Variants in NUP210L observed in about 807,000 individuals in gnomAD.
NUP210L encodes the protein nucleoporin 210 like, also known as nuclear pore membrane glycoprotein 210-like.
In NUP210L, 74 loss-of-function variants were observed where a neutral mutation model predicts 208.5. The observed-to-expected ratio is 0.35, with a 90% CI of 0.29 to 0.43. The LOEUF is 0.43. Ranked by LOEUF, NUP210L falls within the 20% of genes least tolerant of loss-of-function variation. The probability of loss-of-function intolerance (pLI) is 1.00; values close to 1 mark genes in which losing one functional copy is unlikely to be tolerated. For missense variants in NUP210L, 1,843 were observed against 2,289.4 expected (o/e 0.81, Z 3.98); for synonymous variants, 780 against 816.9 (o/e 0.95, Z 0.77).
At position 154,126,306 on chromosome 1, in the gene NUP210L, G is replaced by A. The variant is rs1471837574; in HGVS notation, c.1326+17C>T. ...TCAGTGTTCTTAGAATACAAACACT[G>A]TCTGTTTAATTCCTACCTGGTAAAT... On this transcript the variant is annotated intron_variant, in intron 10 of 39. Coordinates refer to ENST00000368559, the Ensembl canonical transcript of NUP210L. The A allele has an allele frequency of 2.5e-6, 4 of 1,603,824 alleles. No homozygotes were observed. The highest frequency in any genetic ancestry group is 2.7e-5 in the African/African-American group (2 of 74,504).
At chr1:154,082,937 G>T (rs919035103) in intron 16 of NUP210L, among the ~76,000 whole-genome samples, 2 of 151,892 alleles carry the variant, frequency 1.3e-5, no homozygotes, top group African/African-American at 4.8e-5. Flanking sequence ...CTTAAAGGTG[G>T]CACATCAGAA....
exon 40 of NUP210L, chr1:153,992,836 T>C: frequency 6.3e-7 from 1 of 1,599,528 alleles, no homozygotes; most frequent in African/African-American, 1.3e-5. Context: ...AAGCAGAGGT[T>C]AGTGCCTTAT....
chr1:154,111,120 T>A (rs1657021913), intron 12 of NUP210L, among the ~76,000 whole-genome samples: 1 of 150,136 alleles, frequency 6.7e-6, no homozygotes. Flanking sequence ...CGGTGGCTCA[T>A]GCCTGTAATC....
chr1:154,063,940 C>T (rs1654266544), intron 17 of NUP210L, among the ~76,000 whole-genome samples: 1 of 149,320 alleles, frequency 6.7e-6, no homozygotes, highest in Admixed American at 6.7e-5. Context: ...ATAGGGAGCA[C>T]TAAAGTACAT....
chr1:153,993,895 CAAA>C (rs560022336), intron 38 of NUP210L, among the ~76,000 whole-genome samples: 1 of 151,988 alleles, frequency 6.6e-6, no homozygotes, highest in Non-Finnish European at 1.5e-5. Context: ...GACTCCATCT[CAAA>C]AAAATTTTTT....
intron 35 of NUP210L, among the ~76,000 whole-genome samples, chr1:154,007,707 G>A (rs1263608891): frequency 6.6e-6 from 1 of 151,760 alleles, no homozygotes; most frequent in African/African-American, 2.4e-5. Context: ...TGAGTAGCTG[G>A]GACTACAGGC....
intron 27 of NUP210L, among the ~76,000 whole-genome samples, chr1:154,039,030 G>A (rs1248145501): frequency 2.0e-5 from 3 of 152,110 alleles, no homozygotes; most frequent in South Asian, 2.1e-4. Context: ...CTCAAGATAC[G>A]AGTAGTTTAT....
Position 154,058,081 on chromosome 1 carries a change from G to A in NUP210L, c.3107+8C>T, listed in dbSNP as rs977540334. The A allele has an allele frequency of 6.2e-7, 1 of 1,613,890 alleles. No individual in the cohort carries two copies. The highest frequency in any genetic ancestry group is 1.3e-5 in the African/African-American group (1 of 74,934). ...AGAGTGGGAAGGAAGTATTGAAATG[G>A]TACTTACGTCAGGGTGACAATGGCA... On this transcript the variant is annotated splice_region_variant and intron_variant, in intron 22 of 39. Coordinates refer to ENST00000368559, the Ensembl canonical transcript of NUP210L.
intron 35 of NUP210L, 142 bp from the exon 36 acceptor site, chr1:154,002,127 G>T: frequency 1.3e-6 from 1 of 796,948 alleles, no homozygotes; most frequent in Non-Finnish European, 2.0e-6. Context: ...TTCAATATCA[G>T]CACAATATTG....
At chr1:154,105,827 C>A (rs1482384622) in intron 12 of NUP210L, among the ~76,000 whole-genome samples, 1 of 152,142 alleles carries the variant, frequency 6.6e-6, no homozygotes, top group Non-Finnish European at 1.5e-5. Flanking sequence ...GAGACCCAGG[C>A]CTGGTAGCAT....
At chr1:153,996,786 T>C (rs867957563) in intron 37 of NUP210L, among the ~76,000 whole-genome samples, 1 of 151,814 alleles carries the variant, frequency 6.6e-6, no homozygotes, top group Middle Eastern at 3.2e-3. Flanking sequence ...ACTCAGGATG[T>C]CATTTTTTGG....
chr1:154,146,619 T>TC lies in NUP210L; in HGVS notation c.341-3043dup, dbSNP rs1178482684. On this transcript the variant is annotated intron_variant, in intron 2 of 39. Coordinates refer to ENST00000368559, the Ensembl canonical transcript of NUP210L. ...TGCAAGAGCAAGATCCCATCCCCCCTCCCCCCCCCACCAAAAAAAGAGCAT... is the reference window on the plus strand; with the variant it reads ...TGCAAGAGCAAGATCCCATCCCCCCTCCCCCCCCCCACCAAAAAAAGAGCAT... 7.5e-3 allele frequency among the ~76,000 whole-genome samples: 577 copies of TC among 76,956 alleles called. 11 individuals are homozygous for TC. Among genetic ancestry groups the TC allele is most frequent in the Admixed American group, 0.028 (171 of 6,056 alleles). The allele number at this position is 76,956 out of a possible 152,430, so 50.5% of individuals were successfully genotyped here. A position where few individuals can be genotyped will look rare whatever the true frequency, so the allele number is the denominator to read the frequency against.
At chr1:154,110,657 T>C (rs552427039) in intron 12 of NUP210L, among the ~76,000 whole-genome samples, 11 of 151,604 alleles carry the variant, frequency 7.3e-5, no homozygotes, top group African/African-American at 2.7e-4. Context: ...AGCAGGTGGA[T>C]TGCTGGAGCC....
chr1:154,119,671 C>A (rs899311331), intron 10 of NUP210L, among the ~76,000 whole-genome samples: 2 of 152,016 alleles, frequency 1.3e-5, no homozygotes, highest in African/African-American at 4.8e-5. Context: ...CTTGAGTATG[C>A]GTGGATTTTG....
At chr1:154,076,506 A>G (rs1452882777) in intron 16 of NUP210L, among the ~76,000 whole-genome samples, 3 of 152,164 alleles carry the variant, frequency 2.0e-5, no homozygotes, top group Non-Finnish European at 4.4e-5. Flanking sequence ...AATACCAATA[A>G]AGAGATAGAA....
chr1:154,065,687 G>C (rs923861636), intron 17 of NUP210L, among the ~76,000 whole-genome samples: 1 of 151,954 alleles, frequency 6.6e-6, no homozygotes, highest in African/African-American at 2.4e-5. Flanking sequence ...GAGCTCAGGA[G>C]CTCGAGACCA....
intron 7 of NUP210L, among the ~76,000 whole-genome samples, chr1:154,130,324 G>A (rs1557998977): frequency 6.6e-6 from 1 of 151,750 alleles, no homozygotes; most frequent in East Asian, 2.0e-4. Context: ...CCAGGCTAGA[G>A]TGCAACAGCA....
chr1:154,144,903 GT>G lies in NUP210L; in HGVS notation c.341-1327del, dbSNP rs1158181881. ...GTAGGTGGATCACCTGAGGTCAGGA[GT>G]TTGAGACTAGCCTGGCCAACATGGT... On this transcript the variant is annotated intron_variant, in intron 2 of 39. Coordinates refer to ENST00000368559, the Ensembl canonical transcript of NUP210L. 2.0e-5 allele frequency among the ~76,000 whole-genome samples: 3 copies of G among 152,106 alleles called. No individual in the cohort carries two copies. In the East Asian group the frequency reaches 5.8e-4, roughly 29 times the overall value.
intron 20 of NUP210L, among the ~76,000 whole-genome samples, chr1:154,059,591 T>C (rs1056786411): frequency 2.1e-4 from 32 of 152,170 alleles, no homozygotes; most frequent in Non-Finnish European, 4.3e-4. Flanking sequence ...TTCTCAATTA[T>C]AAATAGGGAA....
Sources: gnomAD v4.1 joint callset for allele counts (sites outside exome capture counted in the v4.1 genomes callset) on GRCh38, gnomAD v4.1.1 for gene constraint, MANE v1.5 for transcripts, NCBI Gene and HGNC (gene_info 2026-07-23, HGNC 2026-07-21) for gene names.